The following FSTL4 variants were observed in gnomAD, a reference collection of about 807,000 sequenced individuals.
The protein encoded by FSTL4 is follistatin like 4.
In FSTL4, 28 loss-of-function variants were observed where a neutral mutation model predicts 78.2. The ratio of observed to expected loss-of-function variants is 0.36; its 90% CI spans 0.27 to 0.49. The LOEUF is 0.49. Ranked by LOEUF, FSTL4 falls within the 20% of genes least tolerant of loss-of-function variation. The probability of loss-of-function intolerance (pLI) is 0.98; values close to 1 mark genes in which losing one functional copy is unlikely to be tolerated. For missense variants in FSTL4, 922 were observed against 1,084.9 expected (o/e 0.85, Z 2.11); for synonymous variants, 422 against 440.5 (o/e 0.96, Z 0.53).
chr5:133,475,134 G>T (rs534137198), intron 3 of FSTL4, among the ~76,000 whole-genome samples: 1 of 152,210 alleles, frequency 6.6e-6, no homozygotes, highest in Non-Finnish European at 1.5e-5. Context: ...GGAGCTGGAC[G>T]TCCGTCACAT....
At chr5:133,680,278 T>A in the FSTL4 span, among the ~76,000 whole-genome samples, 1 of 152,128 alleles carries the variant, frequency 6.6e-6, no homozygotes, top group South Asian at 2.1e-4. Flanking sequence ...ATTCTGGAAA[T>A]ACACAAACAG....
At chr5:133,558,480 C>T (rs1254494017) in intron 3 of FSTL4, among the ~76,000 whole-genome samples, 2 of 152,110 alleles carry the variant, frequency 1.3e-5, no homozygotes, top group Non-Finnish European at 2.9e-5. Context: ...CCCAGGTCTC[C>T]CCACTATTGG....
At chr5:133,269,052 G>C (rs1167396300) in intron 6 of FSTL4, among the ~76,000 whole-genome samples, 1 of 151,958 alleles carries the variant, frequency 6.6e-6, no homozygotes, top group Non-Finnish European at 1.5e-5. Context: ...CATGGTGGCG[G>C]GCGCCTGTAG....
At chr5:133,345,163 T>C (rs2126921512) in intron 4 of FSTL4, among the ~76,000 whole-genome samples, 1 of 152,306 alleles carries the variant, frequency 6.6e-6, no homozygotes, top group African/African-American at 2.4e-5. Context: ...ATTTCTTGTA[T>C]ACTGAAAATG....
intron 3 of FSTL4, among the ~76,000 whole-genome samples, chr5:133,517,245 A>G (rs928931957): frequency 5.3e-5 from 8 of 150,980 alleles, no homozygotes; most frequent in Non-Finnish European, 1.0e-4. Flanking sequence ...CAACATGGTG[A>G]AACCTGTTCT....
intron 7 of FSTL4, among the ~76,000 whole-genome samples, chr5:133,237,209 G>A (rs1024138948): frequency 6.6e-6 from 1 of 152,156 alleles, no homozygotes; most frequent in African/African-American, 2.4e-5. Context: ...TCTCCGTCCT[G>A]CAGCCCTCGG....
chr5:133,386,698 G>A (rs1181930043), intron 4 of FSTL4, among the ~76,000 whole-genome samples: 1 of 152,206 alleles, frequency 6.6e-6, no homozygotes, highest in Non-Finnish European at 1.5e-5. Flanking sequence ...GCAGGGGGCA[G>A]AGGTGGGGAC....
At chr5:133,400,164 G>T (rs189894867) in intron 4 of FSTL4, among the ~76,000 whole-genome samples, 1 of 152,334 alleles carries the variant, frequency 6.6e-6, no homozygotes, top group Admixed American at 6.5e-5. Flanking sequence ...CCTAAAGCAT[G>T]AATCCTTGGC....
intron 2 of FSTL4, among the ~76,000 whole-genome samples, chr5:133,579,774 A>G (rs1314604849): frequency 6.6e-6 from 1 of 152,192 alleles, no homozygotes; most frequent in Non-Finnish European, 1.5e-5. Flanking sequence ...AAAGGAAGAA[A>G]GTGTGCCCTC....
chr5:133,623,198 G>A, the FSTL4 span, among the ~76,000 whole-genome samples: 2 of 151,792 alleles, frequency 1.3e-5, no homozygotes, highest in African/African-American at 4.8e-5. Context: ...AAGTGTCCCT[G>A]AATAGCCAAA....
intron 4 of FSTL4, among the ~76,000 whole-genome samples, chr5:133,352,137 C>A (rs1754835620): frequency 6.6e-6 from 1 of 151,442 alleles, no homozygotes; most frequent in Admixed American, 6.6e-5. Context: ...ATGACCAAAT[C>A]CGTCACCTTG....
chr5:133,594,793 T>C (rs925909374), intron 2 of FSTL4, among the ~76,000 whole-genome samples: 2 of 152,188 alleles, frequency 1.3e-5, no homozygotes, highest in African/African-American at 4.8e-5. Flanking sequence ...GAGAAATAAA[T>C]GGAAAAAGAG....
chr5:133,724,272 C>T, the FSTL4 span, among the ~76,000 whole-genome samples: 1,424 of 152,260 alleles, frequency 9.4e-3, 34 homozygotes, highest in African/African-American at 0.033. Context: ...GATCCTTTTG[C>T]TTATCTTTTC....
intron 6 of FSTL4, among the ~76,000 whole-genome samples, chr5:133,272,552 A>C (rs1752790679): frequency 6.6e-6 from 1 of 152,214 alleles, no homozygotes; most frequent in African/African-American, 2.4e-5. Flanking sequence ...GAGTTTTTAG[A>C]TCTTTTAATC....
At chr5:133,725,472 G>C in the FSTL4 span, among the ~76,000 whole-genome samples, 1 of 152,210 alleles carries the variant, frequency 6.6e-6, no homozygotes, top group Non-Finnish European at 1.5e-5. Flanking sequence ...TTCAGGAGAG[G>C]AATGTCTTTC....
chr5:133,219,371 A>G (rs1321457524), intron 12 of FSTL4, among the ~76,000 whole-genome samples: 1 of 152,168 alleles, frequency 6.6e-6, no homozygotes, highest in African/African-American at 2.4e-5. Flanking sequence ...CAACTTGCCT[A>G]TGAGACAACT....
intron 3 of FSTL4, among the ~76,000 whole-genome samples, chr5:133,459,695 G>A (rs997867139): frequency 4.6e-5 from 7 of 152,182 alleles, no homozygotes; most frequent in African/African-American, 1.7e-4. Context: ...GAGGAAAGAG[G>A]CTGTGGGGGC....
At chr5:133,251,102 A>G (rs1474891143) in intron 6 of FSTL4, among the ~76,000 whole-genome samples, 1 of 152,234 alleles carries the variant, frequency 6.6e-6, no homozygotes, top group Non-Finnish European at 1.5e-5. Context: ...AGTTCTGCTC[A>G]CTACCCTCCC....
intron 3 of FSTL4, among the ~76,000 whole-genome samples, chr5:133,431,523 T>G (rs1451314634): frequency 6.6e-6 from 1 of 152,132 alleles, no homozygotes; most frequent in Non-Finnish European, 1.5e-5. Flanking sequence ...TGGAGGAGTA[T>G]AGCTAAGCCC....
Sources: gnomAD v4.1 joint callset for allele counts (sites outside exome capture counted in the v4.1 genomes callset) on GRCh38, gnomAD v4.1.1 for gene constraint, MANE v1.5 for transcripts, NCBI Gene and HGNC (gene_info 2026-07-23, HGNC 2026-07-21) for gene names.